Variants in GSN observed in about 807,000 individuals in gnomAD.
GSN encodes actin-depolymerizing factor.
In GSN, 56 loss-of-function variants were observed where a neutral mutation model predicts 85.7. That is an observed-to-expected ratio of 0.65 (90% CI 0.53 to 0.82). The LOEUF is 0.82. GSN is among the 40% of genes least tolerant of loss of function. The pLI is 0.00. For synonymous variants in GSN, 373 were observed against 399.1 expected, an observed-to-expected ratio of 0.93 and a Z score of 0.78; for missense variants, 857 against 979.8, an observed-to-expected ratio of 0.87 and a Z score of 1.67.
chr9:121,325,491 G>C (rs1054744920), intron 12 of GSN, among the ~76,000 whole-genome samples: 1 of 152,200 alleles, frequency 6.6e-6, no homozygotes, highest in Non-Finnish European at 1.5e-5. Context: ...CCATAGTGAC[G>C]ATGTTGACCT....
intron 5 of GSN, among the ~76,000 whole-genome samples, chr9:121,235,969 C>G (rs1021878007): frequency 6.6e-6 from 1 of 152,168 alleles, no homozygotes; most frequent in Non-Finnish European, 1.5e-5. Context: ...ACTGCCATAA[C>G]AAAGTATCAT....
Position 121,318,953 on chromosome 9 carries a change from C to G in GSN, c.1191+73C>G, listed in dbSNP as rs1476664042. The G allele has an allele frequency of 1.1e-5, 13 of 1,226,822 alleles. No individual in the cohort carries two copies. Among genetic ancestry groups the G allele is most frequent in the Non-Finnish European group, 1.3e-5 (11 of 834,680 alleles). 76.0% of individuals were successfully genotyped at this position (1,226,822 alleles called of 1,614,324 possible). A position where few individuals can be genotyped will look rare whatever the true frequency, so the allele number is the denominator to read the frequency against. ...TCCCCATGCACTGCCTCTTGCTTCCCCAAGGAGGTTTCTCTCTGAGGTTTG... is the reference window on the plus strand; with the variant it reads ...TCCCCATGCACTGCCTCTTGCTTCCGCAAGGAGGTTTCTCTCTGAGGTTTG... On this transcript the variant is annotated intron_variant, in intron 10 of 17. Transcript: ENST00000432226. The surrounding 1 kb of genome is among the most constrained non-coding windows in gnomAD (Gnocchi z 4.3).
chr9:121,281,747 A>T (rs2057394970), intron 2 of GSN, 185 bp downstream of exon 2: 1 of 470,922 alleles, frequency 2.1e-6, no homozygotes, highest in African/African-American at 2.0e-5. Context: ...CTTGAGAGGG[A>T]GGTCAGGCGA....
intron 6 of GSN, among the ~76,000 whole-genome samples, chr9:121,259,385 C>T (rs1487893899): frequency 1.3e-5 from 2 of 152,322 alleles, no homozygotes; most frequent in East Asian, 3.9e-4. Context: ...TAATGTAATA[C>T]ACCCTGGAGG....
At chr9:121,295,200 C>T (rs1420698372) in intron 2 of GSN, among the ~76,000 whole-genome samples, 1 of 152,204 alleles carries the variant, frequency 6.6e-6, no homozygotes, top group Non-Finnish European at 1.5e-5. Context: ...CCATTCTCCC[C>T]CTTTTAGAGA....
chr9:121,329,259 C>G lies in GSN; in HGVS notation c.1909C>G (p.Leu637Val). 2 of 1,611,456 alleles carry G rather than the reference C, an allele frequency of 1.2e-6. No individual in the cohort carries two copies. The highest frequency in any genetic ancestry group is 1.7e-6 in the Non-Finnish European group (2 of 1,177,628). ...RFVIEEVPGELMQEDLATDDV... is the reference protein window; with the variant it reads ...RFVIEEVPGEVMQEDLATDDV... ...CCAGATCGAAGAGGTTCCTGGTGAGCTCATGCAGGAAGACCTGGCAACGGA... is the reference window on the plus strand; with the variant it reads ...CCAGATCGAAGAGGTTCCTGGTGAGGTCATGCAGGAAGACCTGGCAACGGA... Residue 637 changes from leucine (L) to valine (V), a missense_variant, in exon 16 of 18, where the codon CTC (leucine) becomes GTC (valine). Physicochemically the swap from Leu to Val is conservative, Grantham distance 32. Coordinates refer to ENST00000432226, the MANE Select transcript of GSN (RefSeq NM_198252.3). The surrounding 1 kb of genome is among the most constrained non-coding windows in gnomAD (Gnocchi z 4.6).
At chr9:121,239,457 A>C (rs925747336) in intron 5 of GSN, 16 of 376,252 alleles carry the variant, frequency 4.3e-5, no homozygotes, top group Non-Finnish European at 8.3e-5. Flanking sequence ...CAATTGGAAA[A>C]TTTTCCTCAG....
In GSN at chr9:121,329,616, T is replaced by G. The variant is rs2063663482; in HGVS notation, c.1965+301T>G. 6.6e-6 allele frequency among the ~76,000 whole-genome samples: 1 copy of G among 152,172 alleles called. No individual in the cohort carries two copies. The highest frequency in any genetic ancestry group is 1.5e-5 in the Non-Finnish European group (1 of 68,032). ...CAGACCTTGCAGGAGCGTGAACTCT[T>G]CCTTTAAATCTGTTGGCAGAGGAAG... On this transcript the variant is annotated intron_variant, in intron 16 of 17. Coordinates refer to ENST00000432226, the MANE Select transcript of GSN (RefSeq NM_198252.3). This position sits in a 1 kb window ranked among gnomAD's most constrained non-coding sequence, Gnocchi z 4.6.
chr9:121,325,143 G>A (rs1045624475), intron 12 of GSN, among the ~76,000 whole-genome samples: 6 of 152,226 alleles, frequency 3.9e-5, no homozygotes, highest in Non-Finnish European at 8.8e-5. Context: ...CAAGATTGCT[G>A]TGAGGATTAA....
At chr9:121,240,703 G>A (rs1193846781) in intron 5 of GSN, among the ~76,000 whole-genome samples, 1 of 152,184 alleles carries the variant, frequency 6.6e-6, no homozygotes, top group African/African-American at 2.4e-5. Flanking sequence ...GGTAGAGGAG[G>A]GGCAGTTCTC....
In GSN at chr9:121,261,911, G is replaced by A. The variant is rs1401219179; in HGVS notation, c.-340-3243G>A. On this transcript the variant is annotated intron_variant, in intron 6 of 24. Coordinates refer to the GSN transcript ENST00000373823. This position sits in a 1 kb window ranked among gnomAD's most constrained non-coding sequence, Gnocchi z 4.1. ...AGGCTCAGAGAGGTTGAGTAACTCAGGGTGTCCTGTCCTTCAAGGCCTCTG... is the reference window on the plus strand; with the variant it reads ...AGGCTCAGAGAGGTTGAGTAACTCAAGGTGTCCTGTCCTTCAAGGCCTCTG... 1.3e-5 allele frequency among the ~76,000 whole-genome samples: 2 copies of A among 152,208 alleles called. No individual in the cohort carries two copies. The highest frequency in any genetic ancestry group is 2.9e-5 in the Non-Finnish European group (2 of 68,032).
At chr9:121,277,564 G>A (rs1366646343) in intron 1 of GSN, among the ~76,000 whole-genome samples, 2 of 152,184 alleles carry the variant, frequency 1.3e-5, no homozygotes, top group South Asian at 2.1e-4. Context: ...CTAGCCTGGA[G>A]CCCAGATCTT....
At chr9:121,259,755 C>T (rs934049176) in intron 6 of GSN, among the ~76,000 whole-genome samples, 3 of 152,270 alleles carry the variant, frequency 2.0e-5, no homozygotes, top group South Asian at 2.1e-4. Context: ...CAGAGCCTTT[C>T]GTGGGTCTCA....
In GSN at chr9:121,241,631, C is replaced by A. The variant is rs149065463; in HGVS notation, c.-388-6645C>A. Among the ~76,000 whole-genome samples the A allele has an allele frequency of 4.7e-3, 709 of 152,284 alleles. 6 individuals are homozygous for A. The highest frequency in any genetic ancestry group is 0.02 in the Middle Eastern group (6 of 294). On this transcript the variant is annotated intron_variant, in intron 5 of 24. Coordinates refer to the GSN transcript ENST00000373823. ...TGGAAGTGTCTTATAAACTGTAAAG[C>A]ACGTTTCATGCTATAGTTGCTATTT...
intron 13 of GSN, 85 bp downstream of exon 13, chr9:121,326,767 G>C (rs529565742): frequency 1.7e-6 from 2 of 1,175,448 alleles, no homozygotes; most frequent in South Asian, 1.2e-5. Flanking sequence ...GCACAGGAAC[G>C]GGGGCAGGGG....
At position 121,232,324 on chromosome 9, in the gene GSN, C is replaced by T. The variant is rs1353513777; in HGVS notation, c.-389+1021C>T. Among the ~76,000 whole-genome samples, 8 of 152,252 alleles carry T rather than the reference C, an allele frequency of 5.3e-5. No individual in the cohort carries two copies. In the East Asian group the frequency reaches 1.2e-3, roughly 22 times the overall value. On this transcript the variant is annotated intron_variant, in intron 5 of 24. Transcript: ENST00000373823. ...TCTAGGAAATGTGATTGAAAATCTT[C>T]TTGACACCTTAGGGCCCTCACTATG... is the stretch of plus-strand genomic sequence containing the variant.
At chr9:121,211,104 T>C (rs572977745) in intron 4 of GSN, among the ~76,000 whole-genome samples, 4 of 152,224 alleles carry the variant, frequency 2.6e-5, no homozygotes, top group East Asian at 3.8e-4. Flanking sequence ...ATTCCACTTA[T>C]ATGAAGTACA....
At chr9:121,268,103 C>G (rs531955936), upstream of GSN, 7 of 151,534 alleles carry the variant, frequency 4.6e-5, no homozygotes, top group African/African-American at 7.3e-5. Flanking sequence ...GAGGGCGGCT[C>G]CCGCCCGCGC....
rs1564543765 is a variant in GSN, at chr9:121,317,229, CA to C, written c.886+12del. ...TCTTTGTCTGGAAAGGTACTGGAGACAGGGAAAGGGTCCCAACTGGCCTGTA... is the reference window on the plus strand; with the variant it reads ...TCTTTGTCTGGAAAGGTACTGGAGACGGGAAAGGGTCCCAACTGGCCTGTA... On this transcript the variant is annotated intron_variant, in intron 8 of 17. Coordinates refer to ENST00000432226, the MANE Select transcript of GSN (RefSeq NM_198252.3). 6.2e-7 allele frequency: 1 copy of C among 1,613,938 alleles called. No individual in the cohort carries two copies. The highest frequency in any genetic ancestry group is 8.5e-7 in the Non-Finnish European group (1 of 1,179,934).
Sources: allele counts gnomAD v4.1 joint callset (sites outside exome capture counted in the v4.1 genomes callset), GRCh38; gene constraint gnomAD v4.1.1; non-coding constraint Gnocchi (gnomAD v3.1); transcripts MANE v1.5; gene names NCBI Gene and HGNC (gene_info 2026-07-23, HGNC 2026-07-21).